RNF149: variants seen among roughly 807,000 people sequenced by gnomAD.
RNF149 encodes the protein ring finger protein 149, also known as E3 ubiquitin-protein ligase RNF149.
A neutral mutation model predicts 39.0 loss-of-function variants in RNF149; 21 were observed. The observed-to-expected ratio is 0.54, with a 90% CI of 0.38 to 0.77. RNF149 has a LOEUF of 0.77. RNF149 is among the 30% of genes least tolerant of loss of function. The pLI is 0.00. For missense variants in RNF149, 493 were observed against 534.9 expected (o/e 0.92, Z 0.77); for synonymous variants, 209 against 213.6 (o/e 0.98, Z 0.19).
At chr2:101,278,176 C>A (rs574453036) in intron 6 of RNF149, among the ~76,000 whole-genome samples, 9 of 152,220 alleles carry the variant, frequency 5.9e-5, no homozygotes, top group Admixed American at 2.0e-4. Flanking sequence ...TATAGGGTCT[C>A]ACTCTCTCAC....
chr2:101,308,285 C>A lies in RNF149; in HGVS notation c.304G>T (p.Gly102Cys), dbSNP rs749531598. The A allele has an allele frequency of 1.3e-6, 2 of 1,576,432 alleles. No individual in the cohort carries two copies. Among genetic ancestry groups the A allele is most frequent in the South Asian group, 1.1e-5 (1 of 88,096 alleles). Residue 102 changes from glycine (G) to cysteine (C), a missense_variant, in exon 1 of 7, where the codon GGC becomes TGC. Coordinates refer to ENST00000295317, the MANE Select transcript of RNF149 (RefSeq NM_173647.4). ...PDTRFFVPEP[G>C]GRGAAPWVAL... ...ACCCAGGGCGCGGCCCCTCGGCCGCCGGGCTCGGGCACGAAGAAGCGCGTG... is the reference window on the plus strand; with the variant it reads ...ACCCAGGGCGCGGCCCCTCGGCCGCAGGGCTCGGGCACGAAGAAGCGCGTG...
rs765863528 is a variant in RNF149 at position 101,308,151 on chromosome 2, G to T, written c.438C>A (p.Ile146=). ...VLYNEERYGN[I]TLPMSHAGTG... is the part of the protein sequence containing the mutation. ...CACCCGCGTGAGACATGGGCAAGGT[G>T]ATGTTCCCGTAGCGCTCCTCATTGT... The change falls in exon 1 of 7, where the codon ATC becomes ATA. Residue 146 remains isoleucine (I), a synonymous_variant. Coordinates refer to ENST00000295317, the MANE Select transcript of RNF149 (RefSeq NM_173647.4). 1 of 1,609,972 alleles carries T rather than the reference G, an allele frequency of 6.2e-7. No homozygotes were observed. The highest frequency in any genetic ancestry group is 8.5e-7 in the Non-Finnish European group (1 of 1,179,210).
downstream of RNF149, among the ~76,000 whole-genome samples, chr2:101,274,912 G>A (rs1196060542): frequency 5.9e-5 from 9 of 151,352 alleles, no homozygotes; most frequent in East Asian, 3.9e-4. Flanking sequence ...TCAGTCTCCC[G>A]AGTAGCTGGG....
chr2:101,273,136 G>A (rs945702047), downstream of RNF149: 45 of 1,353,008 alleles, frequency 3.3e-5, no homozygotes, highest in African/African-American at 3.1e-4. Flanking sequence ...CCTGCCAAGT[G>A]GTGTGTGTTT....
intron 3 of RNF149, among the ~76,000 whole-genome samples, chr2:101,291,360 A>G (rs942588400): frequency 3.3e-5 from 5 of 151,778 alleles, no homozygotes; most frequent in Non-Finnish European, 7.4e-5. Context: ...CATGTTGGCC[A>G]AGCTGGTCTC....
In RNF149 at chr2:101,305,476, T is replaced by C. The variant is rs72825004; in HGVS notation, c.460+2653A>G. ...TCCAGCTTTTGCTCTGTTTAATCCA[T>C]GTATCACACTGCTACCAAACTAATT... On this transcript the variant is annotated intron_variant, in intron 1 of 6. Transcript: ENST00000295317. Among the ~76,000 whole-genome samples, 864 of 152,322 alleles carry C rather than the reference T, an allele frequency of 5.7e-3. 8 individuals carry two copies. The highest frequency in any genetic ancestry group is 0.01 in the Middle Eastern group (3 of 294).
At chr2:101,271,901 G>A (rs1682143409), downstream of RNF149, among the ~76,000 whole-genome samples, 2 of 152,124 alleles carry the variant, frequency 1.3e-5, no homozygotes, top group Non-Finnish European at 2.9e-5. Context: ...TTCTTATAGT[G>A]TACATATACA....
chr2:101,305,842 T>C (rs1683636324), intron 1 of RNF149, among the ~76,000 whole-genome samples: 1 of 152,210 alleles, frequency 6.6e-6, no homozygotes, highest in African/African-American at 2.4e-5. Flanking sequence ...CTCATCTGTA[T>C]GTACTCCGTG....
Position 101,293,594 on chromosome 2 carries a change from T to C in RNF149, c.780+420A>G, listed in dbSNP as rs189801482. Among the ~76,000 whole-genome samples the C allele has an allele frequency of 1.8e-4, 28 of 152,348 alleles. No individual in the cohort carries two copies. The East Asian group carries it at 4.8e-3, about 26-fold the overall frequency. ...AAACATCTTTTCCCCCCTCCAGAAATGCCAACATTTTCTCCCTGTAACTAA... is the reference window on the plus strand; with the variant it reads ...AAACATCTTTTCCCCCCTCCAGAAACGCCAACATTTTCTCCCTGTAACTAA... On this transcript the variant is annotated intron_variant, in intron 3 of 6. Coordinates refer to ENST00000295317, the MANE Select transcript of RNF149 (RefSeq NM_173647.4).
At chr2:101,289,654 A>G (rs1682934196) in intron 3 of RNF149, among the ~76,000 whole-genome samples, 1 of 151,052 alleles carries the variant, frequency 6.6e-6, no homozygotes, top group South Asian at 2.1e-4. Context: ...GCAGTGAGCC[A>G]AGATGGCACC....
At chr2:101,272,694 TAC>T (rs1682172218), downstream of RNF149, 1 of 303,268 alleles carries the variant, frequency 3.3e-6, no homozygotes, top group South Asian at 3.0e-5. Flanking sequence ...TACTTAGTAA[TAC>T]ATATATACTG....
chr2:101,292,053 G>A (rs1347709434), intron 3 of RNF149, among the ~76,000 whole-genome samples: 1 of 152,222 alleles, frequency 6.6e-6, no homozygotes, highest in East Asian at 1.9e-4. Context: ...CACTTGGGCA[G>A]AATCATCTAA....
At chr2:101,301,117 G>A (rs907120370) in intron 1 of RNF149, among the ~76,000 whole-genome samples, 8 of 152,090 alleles carry the variant, frequency 5.3e-5, no homozygotes, top group Non-Finnish European at 1.0e-4. Flanking sequence ...TCCTTCCTTA[G>A]GCCTTAACGT....
chr2:101,285,635 CCCCAGGT>C (rs1473637160), intron 5 of RNF149, among the ~76,000 whole-genome samples: 2 of 152,180 alleles, frequency 1.3e-5, no homozygotes, highest in Non-Finnish European at 2.9e-5. Context: ...GGACAAACTG[CCCCAGGT>C]CTATTTGATT....
intron 4 of RNF149, 80 bp from the exon 5 acceptor site, chr2:101,286,257 CTCA>C: frequency 1.3e-6 from 1 of 755,480 alleles, no homozygotes; most frequent in Non-Finnish European, 2.3e-6. Flanking sequence ...ATTGTACCAA[CTCA>C]TCCTCTCATT....
chr2:101,273,974 T>C (rs1682237252), downstream of RNF149, among the ~76,000 whole-genome samples: 1 of 152,188 alleles, frequency 6.6e-6, no homozygotes, highest in African/African-American at 2.4e-5. Flanking sequence ...AGGAACACTA[T>C]GTTTGACAGC....
At position 101,275,886 on chromosome 2, in the gene RNF149, C is replaced by A. The variant is rs1682330540; in HGVS notation, c.*1352G>T. 1 of 985,138 alleles carries A rather than the reference C, an allele frequency of 1.0e-6. No individual in the cohort carries two copies. The highest frequency in any genetic ancestry group is 1.7e-5 in the African/African-American group (1 of 57,204). The allele number at this position is 985,138 out of a possible 1,614,324, so 61.0% of individuals were successfully genotyped here. A position where few individuals can be genotyped will look rare whatever the true frequency, so the allele number is the denominator to read the frequency against. On this transcript the variant is annotated 3_prime_UTR_variant, in exon 7 of 7. Transcript: ENST00000295317. Reference sequence around the variant, plus strand: ...CCTACTTGAGGTTGTCTGCTAAAACCAACTCAGTGTGCAAAGCGAAATACA... The same window carrying A: ...CCTACTTGAGGTTGTCTGCTAAAACAAACTCAGTGTGCAAAGCGAAATACA...
rs964275786 is a variant in RNF149 at position 101,308,026 on chromosome 2, T to C, written c.460+103A>G. Reference sequence around the variant, plus strand: ...CCAACAGCCAGAGGCCTGAGAGCCGTGCCAGGCCCGCTTCGCGGCCTGCGG... The same window carrying C: ...CCAACAGCCAGAGGCCTGAGAGCCGCGCCAGGCCCGCTTCGCGGCCTGCGG... On this transcript the variant is annotated intron_variant, in intron 1 of 6. Transcript: ENST00000295317. 10 of 1,496,448 alleles carry C rather than the reference T, an allele frequency of 6.7e-6. No individual in the cohort carries two copies. The African/African-American group carries it at 1.3e-4, about 20-fold the overall frequency. 92.7% of individuals were successfully genotyped at this position (1,496,448 alleles called of 1,614,324 possible).
intron 5 of RNF149, among the ~76,000 whole-genome samples, chr2:101,282,751 T>C (rs1470094902): frequency 1.3e-5 from 2 of 152,132 alleles, no homozygotes; most frequent in Non-Finnish European, 2.9e-5. Flanking sequence ...GAGGGGTTAC[T>C]GCAGGTTGAC....
Sources: gnomAD v4.1 joint callset for allele counts (sites outside exome capture counted in the v4.1 genomes callset) on GRCh38, gnomAD v4.1.1 for gene constraint, MANE v1.5 for transcripts, NCBI Gene and HGNC (gene_info 2026-07-23, HGNC 2026-07-21) for gene names.